RFX3: variants seen among roughly 807,000 people sequenced by gnomAD.
RFX3 encodes regulatory factor X3.
Under a neutral mutation model 98.6 loss-of-function variants are expected in RFX3, and 14 were observed. The ratio of observed to expected loss-of-function variants is 0.14; its 90% CI spans 0.09 to 0.22. The LOEUF (loss-of-function observed/expected upper bound fraction) is 0.22. Among genes scored for constraint, RFX3 ranks in the 10% least tolerant of loss-of-function variants. The pLI is 1.00. For synonymous variants in RFX3, 383 were observed against 328.4 expected, an observed-to-expected ratio of 1.17 and a Z score of -1.80; for missense variants, 639 against 926.9, an observed-to-expected ratio of 0.69 and a Z score of 4.03.
chr9:3,315,506 C>A (rs1175036942), intron 4 of RFX3, among the ~76,000 whole-genome samples: 1 of 151,864 alleles, frequency 6.6e-6, no homozygotes. Flanking sequence ...TAGCAGAAGG[C>A]AAGAAATAAC....
chr9:3,484,785 A>G (rs1478183815), intron 1 of RFX3, among the ~76,000 whole-genome samples: 1 of 152,146 alleles, frequency 6.6e-6, no homozygotes, highest in Admixed American at 6.5e-5. Flanking sequence ...AAATTTGGGC[A>G]GTTAAATAGT....
intron 7 of RFX3, among the ~76,000 whole-genome samples, chr9:3,285,785 C>T (rs552971364): frequency 6.6e-6 from 1 of 151,768 alleles, no homozygotes; most frequent in African/African-American, 2.4e-5. Context: ...ATTAATACTA[C>T]TGAGATTCTT....
intron 1 of RFX3, among the ~76,000 whole-genome samples, chr9:3,475,333 G>A (rs146665727): frequency 0.011 from 1,722 of 151,816 alleles, 28 homozygotes; most frequent in African/African-American, 0.03. Context: ...CCGGGGGACC[G>A]CAACCACCAA....
chr9:3,425,882 A>C (rs1843969424), intron 1 of RFX3, among the ~76,000 whole-genome samples: 1 of 152,174 alleles, frequency 6.6e-6, no homozygotes, highest in Non-Finnish European at 1.5e-5. Flanking sequence ...ACTGATATGC[A>C]TCAAGTTGAA....
rs568203270 is a variant in RFX3 at position 3,339,500 on chromosome 9, A to G, written c.215+7167T>C. Among the ~76,000 whole-genome samples, 22 of 152,358 alleles carry G rather than the reference A, an allele frequency of 1.4e-4. No individual in the cohort carries two copies. In the South Asian group the frequency reaches 1.4e-3, roughly 10 times the overall value. ...GTGTGAATGCCACATCAGCATCTCA[A>G]TTCAGTTTCATTCATTTTTTCCCTG... On this transcript the variant is annotated intron_variant, in intron 3 of 16. Transcript: ENST00000617270.
chr9:3,511,106 T>C (rs1817624704), intron 1 of RFX3, among the ~76,000 whole-genome samples: 1 of 152,004 alleles, frequency 6.6e-6, no homozygotes, highest in Non-Finnish European at 1.5e-5. Flanking sequence ...CTTTGGATCA[T>C]AATGAAGTTT....
intron 5 of RFX3, among the ~76,000 whole-genome samples, chr9:3,296,393 G>A (rs1442185333): frequency 6.6e-6 from 1 of 151,986 alleles, no homozygotes; most frequent in African/African-American, 2.4e-5. Flanking sequence ...GATTGGCTAT[G>A]CAGGCCACTG....
chr9:3,351,705 A>T (rs1835152342), intron 2 of RFX3, among the ~76,000 whole-genome samples: 1 of 152,062 alleles, frequency 6.6e-6, no homozygotes, highest in Non-Finnish European at 1.5e-5. Flanking sequence ...TGTAAATGTT[A>T]AAAGCTCAAC....
chr9:3,225,372 T>C lies in RFX3; in HGVS notation c.2012-92A>G, dbSNP rs573091142. The C allele has an allele frequency of 5.3e-6, 8 of 1,522,392 alleles. No homozygotes were observed. In the African/African-American group the frequency reaches 6.9e-5, roughly 13 times the overall value. The allele number at this position is 1,522,392 out of a possible 1,614,324, so 94.3% of individuals were successfully genotyped here. On this transcript the variant is annotated intron_variant, in intron 16 of 16. Transcript: ENST00000617270. Reference sequence around the variant, plus strand: ...TTTAGAAACACTTTAATATAGGACATTACGAAAGCAACAGCTTAGCTCTTC... The same window carrying C: ...TTTAGAAACACTTTAATATAGGACACTACGAAAGCAACAGCTTAGCTCTTC...
intron 2 of RFX3, among the ~76,000 whole-genome samples, chr9:3,375,347 A>T (rs1489597207): frequency 6.6e-6 from 1 of 152,204 alleles, no homozygotes; most frequent in East Asian, 1.9e-4. Context: ...CCCAGTGAGC[A>T]AGACCACACC....
intron 1 of RFX3, among the ~76,000 whole-genome samples, chr9:3,485,628 A>T (rs1850196270): frequency 6.6e-6 from 1 of 152,234 alleles, no homozygotes; most frequent in African/African-American, 2.4e-5. Flanking sequence ...AAAGAATTTT[A>T]GTTCTGTCTA....
intron 1 of RFX3, among the ~76,000 whole-genome samples, chr9:3,522,308 A>AG (rs1233943814): frequency 6.6e-6 from 1 of 152,210 alleles, no homozygotes; most frequent in Non-Finnish European, 1.5e-5. Flanking sequence ...ATACTTTGTC[A>AG]TGGCCACTGG....
intron 11 of RFX3, among the ~76,000 whole-genome samples, chr9:3,268,080 G>A (rs1823884980): frequency 6.6e-6 from 1 of 151,468 alleles, no homozygotes; most frequent in Admixed American, 6.6e-5. Context: ...TGATATTCTG[G>A]GCCACCTCTG....
At chr9:3,509,614 G>A (rs760016370) in intron 1 of RFX3, among the ~76,000 whole-genome samples, 11 of 151,628 alleles carry the variant, frequency 7.3e-5, no homozygotes, top group Non-Finnish European at 1.2e-4. Flanking sequence ...TTATTTCTAC[G>A]TCATTCTAAA....
At chr9:3,452,816 G>C (rs1334243203) in intron 1 of RFX3, among the ~76,000 whole-genome samples, 2 of 152,272 alleles carry the variant, frequency 1.3e-5, no homozygotes, top group Non-Finnish European at 2.9e-5. Context: ...ATAGGTTTCT[G>C]ATTTCAACCT....
rs1285050286 is a variant in RFX3, at chr9:3,344,979, T to C, written c.215+1688A>G. 1.5e-5 allele frequency: 9 copies of C among 609,540 alleles called. No homozygotes were observed. In the South Asian group the frequency reaches 1.6e-4, roughly 11 times the overall value. 37.8% of individuals were successfully genotyped at this position (609,540 alleles called of 1,614,324 possible). On this transcript the variant is annotated intron_variant, in intron 3 of 16. Coordinates refer to ENST00000617270, the MANE Select transcript of RFX3 (RefSeq NM_001282116.2). ...CGGTAACAGAAATTTACTGACTTTA[T>C]TATGTGCCAATCACCTAAGCAAATG...
Position 3,303,328 on chromosome 9 carries a change from T to C in RFX3, c.475-1708A>G, listed in dbSNP as rs1467494763. ...CTTAAAACATGATCAATAAGTGCTT[T>C]TTTTTCAAAGAGAAAACAGAGCAGA... On this transcript the variant is annotated intron_variant, in intron 4 of 16. Transcript: ENST00000617270. Among the ~76,000 whole-genome samples the C allele has an allele frequency of 3.1e-4, 47 of 151,830 alleles. 1 individual carries two copies. In the Admixed American group the frequency reaches 3.1e-3, roughly 10 times the overall value.
At chr9:3,233,807 T>C (rs1818790148) in intron 15 of RFX3, among the ~76,000 whole-genome samples, 1 of 147,948 alleles carries the variant, frequency 6.8e-6, no homozygotes, top group African/African-American at 2.5e-5. Flanking sequence ...AGAACCAAGA[T>C]AAAGTACTTC....
At position 3,220,113 on chromosome 9, in the gene RFX3, T is replaced by C. The variant is rs1422875597; in HGVS notation, c.*4929A>G. The C allele has an allele frequency of 6.6e-6, 1 of 152,326 alleles. No homozygotes were observed. The highest frequency in any genetic ancestry group is 2.1e-4 in the South Asian group (1 of 4,828). 9.4% of individuals were successfully genotyped at this position (152,326 alleles called of 1,614,324 possible). The stretch of plus-strand genomic sequence containing the variant: ...TGCTTTGCTCTCCATTCTATCTATA[T>C]ATAATTTTTTGACAACGTATTAAAG... On this transcript the variant is annotated 3_prime_UTR_variant, in exon 17 of 17. Coordinates refer to ENST00000617270, the MANE Select transcript of RFX3 (RefSeq NM_001282116.2).
Sources: allele counts gnomAD v4.1 joint callset (sites outside exome capture counted in the v4.1 genomes callset), GRCh38; gene constraint gnomAD v4.1.1; transcripts MANE v1.5; gene names NCBI Gene and HGNC (gene_info 2026-07-23, HGNC 2026-07-21).